The following UGT2B7 variants were observed in gnomAD, a reference collection of about 807,000 sequenced individuals.
UGT2B7 encodes the protein UDP-glucuronosyltransferase 2B7.
A neutral mutation model predicts 51.9 loss-of-function variants in UGT2B7; 51 were observed. The ratio of observed to expected loss-of-function variants is 0.98; its 90% CI spans 0.78 to 1.24. The LOEUF is 1.24. UGT2B7 is among the 50% of genes most tolerant of loss of function. UGT2B7 has a pLI of 0.00. For missense variants in UGT2B7, 727 were observed against 628.4 expected (o/e 1.16, Z -1.68); for synonymous variants, 225 against 211.6 (o/e 1.06, Z -0.55).
At chr4:69,063,058 G>A (rs1347094344) in intron 1 of UGT2B7, among the ~76,000 whole-genome samples, 6 of 151,452 alleles carry the variant, frequency 4.0e-5, no homozygotes, top group Admixed American at 2.0e-4. Flanking sequence ...AATTGCTCAC[G>A]CCTGTAATCC....
At chr4:69,092,249 T>C (rs574702377), upstream of UGT2B7, among the ~76,000 whole-genome samples, 1 of 152,336 alleles carries the variant, frequency 6.6e-6, no homozygotes, top group East Asian at 1.9e-4. Flanking sequence ...GTAGACCCAG[T>C]TCTCAGTATC....
chr4:69,078,087 T>C (rs1379446620), intron 1 of UGT2B7, among the ~76,000 whole-genome samples: 1 of 152,176 alleles, frequency 6.6e-6, no homozygotes, highest in African/African-American at 2.4e-5. Context: ...TCTTTTTATG[T>C]CATGGATTCC....
At position 69,107,267 on chromosome 4, in the gene UGT2B7, G is replaced by C. The variant is rs764091531; in HGVS notation, c.1090+5G>C. On this transcript the variant is annotated splice_donor_5th_base_variant and intron_variant, in intron 4 of 5. Transcript: ENST00000305231. ...TACCCCAGAATGACCTTCTAGGTAA[G>C]ACTCTGGTGAACAAATACTGAATAT... The C allele has an allele frequency of 1.9e-6, 3 of 1,601,126 alleles. No individual in the cohort carries two copies. Among genetic ancestry groups the C allele is most frequent in the African/African-American group, 1.3e-5 (1 of 74,338 alleles).
chr4:69,108,211 C>T lies in UGT2B7; in HGVS notation c.1199C>T (p.Pro400Leu). 1 of 1,613,818 alleles carries T rather than the reference C, an allele frequency of 6.2e-7. No individual in the cohort carries two copies. The highest frequency in any genetic ancestry group is 2.2e-5 in the East Asian group (1 of 44,878). The change falls in exon 5 of 6, where the codon CCT (proline) becomes CTT (leucine). Residue 400 changes from proline (P) to leucine (L), a missense_variant. Pro to Leu is a moderately conservative substitution (Grantham distance 98). Coordinates refer to ENST00000305231, the MANE Select transcript of UGT2B7 (RefSeq NM_001074.4). Reference protein sequence around the residue: ...MVGIPLFADQPDNIAHMKARG... With the variant: ...MVGIPLFADQLDNIAHMKARG... Reference sequence around the variant, plus strand: ...GGGATTCCATTGTTTGCCGATCAACCTGATAACATTGCTCACATGAAGGCC... The same window carrying T: ...GGGATTCCATTGTTTGCCGATCAACTTGATAACATTGCTCACATGAAGGCC...
chr4:69,101,456 A>C (rs1213729916), intron 2 of UGT2B7, among the ~76,000 whole-genome samples: 1 of 152,086 alleles, frequency 6.6e-6, no homozygotes, highest in African/African-American at 2.4e-5. Context: ...ATCTGTAAAG[A>C]GGCTCGATTC....
intron 3 of UGT2B7, among the ~76,000 whole-genome samples, chr4:69,104,203 C>G (rs376534464): frequency 4.0e-4 from 61 of 152,242 alleles, no homozygotes; most frequent in African/African-American, 1.4e-3. Context: ...AGGAGAATCA[C>G]TTGAACCTGG....
At chr4:69,055,422 C>T (rs1378056852) in intron 1 of UGT2B7, among the ~76,000 whole-genome samples, 1 of 150,256 alleles carries the variant, frequency 6.7e-6, no homozygotes, top group Admixed American at 6.6e-5. Flanking sequence ...AATCACAAAC[C>T]CCTCAGACCC....
chr4:69,062,581 G>C (rs1437697125), intron 1 of UGT2B7, among the ~76,000 whole-genome samples: 1 of 152,130 alleles, frequency 6.6e-6, no homozygotes, highest in Non-Finnish European at 1.5e-5. Context: ...ACCACAGTCA[G>C]CTGAAATTAT....
At chr4:69,109,490 T>C (rs1719712920) in intron 5 of UGT2B7, among the ~76,000 whole-genome samples, 1 of 152,138 alleles carries the variant, frequency 6.6e-6, no homozygotes, top group Non-Finnish European at 1.5e-5. Context: ...CGGCTAAAGG[T>C]GTTGAGAATC....
intron 1 of UGT2B7, among the ~76,000 whole-genome samples, chr4:69,054,637 A>C (rs1294689038): frequency 6.6e-6 from 1 of 152,058 alleles, no homozygotes; most frequent in Non-Finnish European, 1.5e-5. Context: ...CCTCCGAGAC[A>C]ATCCTTAACC....
chr4:69,100,283 G>A (rs1719380487), intron 2 of UGT2B7, among the ~76,000 whole-genome samples: 1 of 151,716 alleles, frequency 6.6e-6, no homozygotes, highest in Non-Finnish European at 1.5e-5. Context: ...GTATCTGAAT[G>A]GCGCCCTTAG....
Position 69,096,828 on chromosome 4 carries a change from A to G in UGT2B7, c.308A>G (p.Asp103Gly), listed in dbSNP as rs367597912. ...AAGAGATGGTCAGACCTTCCAAAAG[A>G]TACATTTTGGTTATATTTTTCACAA... The part of the protein sequence containing the change: ...QIKRWSDLPK[D>G]TFWLYFSQVQ... The change falls in exon 1 of 6, where the codon GAT (aspartate) becomes GGT (glycine). Residue 103 changes from aspartate to glycine, a missense_variant. Physicochemically the swap from Asp to Gly is moderately conservative, Grantham distance 94 (BLOSUM62 -1). Coordinates refer to ENST00000305231, the MANE Select transcript of UGT2B7 (RefSeq NM_001074.4). 11 of 1,613,794 alleles carry G rather than the reference A, an allele frequency of 6.8e-6. No individual in the cohort carries two copies. Among genetic ancestry groups the G allele is most frequent in the Non-Finnish European group, 9.3e-6 (11 of 1,179,844 alleles).
chr4:69,064,127 AG>A, intron 1 of UGT2B7, among the ~76,000 whole-genome samples: 1 of 151,396 alleles, frequency 6.6e-6, no homozygotes, highest in East Asian at 1.9e-4. Context: ...AAAGAAAGAA[AG>A]AAAGAAAGAA....
chr4:69,075,085 T>G (rs72852416), intron 1 of UGT2B7, among the ~76,000 whole-genome samples: 65,199 of 151,954 alleles, frequency 0.43, 15,540 homozygotes, highest in African/African-American at 0.64. Flanking sequence ...ATTCACACAA[T>G]TTTTAGGATT....
intron 1 of UGT2B7, among the ~76,000 whole-genome samples, chr4:69,064,428 C>T (rs940784464): frequency 7.9e-5 from 12 of 152,204 alleles, no homozygotes; most frequent in African/African-American, 1.4e-4. Context: ...GGTCATGAGA[C>T]GCCTGAGAAG....
intron 1 of UGT2B7, among the ~76,000 whole-genome samples, chr4:69,072,968 T>C (rs1308722541): frequency 2.6e-5 from 4 of 152,168 alleles, no homozygotes; most frequent in Non-Finnish European, 5.9e-5. Context: ...AATAACATTT[T>C]TGAAAGTGGG....
At chr4:69,109,388 T>G (rs1172677805) in intron 5 of UGT2B7, among the ~76,000 whole-genome samples, 2 of 152,150 alleles carry the variant, frequency 1.3e-5, no homozygotes, top group Non-Finnish European at 2.9e-5. Flanking sequence ...TCCATACTTT[T>G]GCCAAACCTG....
chr4:69,075,408 T>A (rs1718681895), intron 1 of UGT2B7, among the ~76,000 whole-genome samples: 2 of 152,066 alleles, frequency 1.3e-5, no homozygotes, highest in South Asian at 4.1e-4. Flanking sequence ...TCTCTCTCCT[T>A]CTCCCTCTTT....
chr4:69,112,127 T>C (rs1719790034), intron 5 of UGT2B7, among the ~76,000 whole-genome samples: 2 of 152,276 alleles, frequency 1.3e-5, no homozygotes, highest in African/African-American at 4.8e-5. Context: ...ACCTAACCAG[T>C]TATGTTATCT....
Sources: gnomAD v4.1 joint callset for allele counts (sites outside exome capture counted in the v4.1 genomes callset) on GRCh38, gnomAD v4.1.1 for gene constraint, MANE v1.5 for transcripts, NCBI Gene and HGNC (gene_info 2026-07-23, HGNC 2026-07-21) for gene names.